Variants in SMAD4 observed in about 807,000 individuals in gnomAD.
SMAD4 encodes MAD homolog 4.
A neutral mutation model predicts 63.2 loss-of-function variants in SMAD4; 7 were observed. That is an observed-to-expected ratio of 0.11 (90% confidence interval 0.06 to 0.21). The LOEUF (loss-of-function observed/expected upper bound fraction) is 0.21. Ranked by LOEUF, SMAD4 falls within the 10% of genes least tolerant of loss-of-function variation. The pLI is 1.00. For synonymous variants in SMAD4, 215 were observed against 235.4 expected (o/e 0.91, Z 0.79); for missense variants, 312 against 693.8 (o/e 0.45, Z 6.18).
intron 1 of SMAD4, among the ~76,000 whole-genome samples, chr18:51,032,572 TTC>T (rs988581475): frequency 1.3e-5 from 2 of 152,196 alleles, no homozygotes; most frequent in Non-Finnish European, 2.9e-5. Flanking sequence ...TGTGTGTGAA[TTC>T]TTTTTCTGTA....
Position 51,059,739 on chromosome 18 carries a change from A to G in SMAD4, c.905-127A>G, listed in dbSNP as rs1909954280. 8 of 722,382 alleles carry G rather than the reference A, an allele frequency of 1.1e-5. No individual in the cohort carries two copies. In the South Asian group the frequency reaches 1.2e-4, roughly 11 times the overall value. The allele number at this position is 722,382 out of a possible 1,614,324, so 44.7% of individuals were successfully genotyped here. A position where few individuals can be genotyped will look rare whatever the true frequency, so the allele number is the denominator to read the frequency against. On this transcript the variant is annotated intron_variant, in intron 7 of 11. Coordinates refer to ENST00000342988, the MANE Select transcript of SMAD4 (RefSeq NM_005359.6). ...ATTGTAAACTTTTAAGTTCTTAGAC[A>G]TTGCATAAGCTTGTTTTAAACAATT...
At chr18:51,066,436 C>T (rs1040337570) in intron 9 of SMAD4, among the ~76,000 whole-genome samples, 3 of 151,664 alleles carry the variant, frequency 2.0e-5, no homozygotes, top group East Asian at 1.9e-4. Flanking sequence ...TGTATGATCT[C>T]GGCTTTTAAG....
chr18:51,058,292 G>A (rs1183932861), intron 6 of SMAD4, 48 bp downstream of exon 6: 2 of 1,610,774 alleles, frequency 1.2e-6, no homozygotes, highest in African/African-American at 2.7e-5. Context: ...GAAAAAAGTA[G>A]GCAGCCTTTA....
chr18:51,061,684 C>T (rs534092508), intron 8 of SMAD4, among the ~76,000 whole-genome samples: 2 of 152,312 alleles, frequency 1.3e-5, no homozygotes, highest in South Asian at 4.1e-4. Flanking sequence ...TTCATTCATA[C>T]TCACTCTCTT....
chr18:51,056,048 A>G (rs145503719), intron 5 of SMAD4, among the ~76,000 whole-genome samples: 5 of 152,336 alleles, frequency 3.3e-5, no homozygotes, highest in East Asian at 3.9e-4. Flanking sequence ...CAGTCTCACT[A>G]TAGGCAGCAT....
chr18:51,043,371 A>G (rs896035459), intron 1 of SMAD4, among the ~76,000 whole-genome samples: 1 of 152,334 alleles, frequency 6.6e-6, no homozygotes, highest in African/African-American at 2.4e-5. Context: ...TGAAGTTGTC[A>G]GGGCAGGTGT....
chr18:51,070,305 C>T (rs1910283488), intron 10 of SMAD4, among the ~76,000 whole-genome samples: 1 of 152,162 alleles, frequency 6.6e-6, no homozygotes, highest in South Asian at 2.1e-4. Context: ...TATTTTGGTA[C>T]AGATGGCCTT....
In SMAD4 at chr18:51,078,929, G is replaced by A. The variant is rs191822473; in HGVS notation, c.*462G>A. The A allele has an allele frequency of 3.0e-5, 7 of 236,478 alleles. No individual in the cohort carries two copies. The highest frequency in any genetic ancestry group is 2.7e-4 in the Admixed American group (5 of 18,322). The allele number at this position is 236,478 out of a possible 1,614,324, so 14.6% of individuals were successfully genotyped here. On this transcript the variant is annotated 3_prime_UTR_variant, in exon 12 of 12. Coordinates refer to ENST00000342988, the MANE Select transcript of SMAD4 (RefSeq NM_005359.6). ...TTGTTGAACATACTTCAAAAATAAT[G>A]TGCCATGTGGGTGAGTTAATTTTAC...
intron 1 of SMAD4, among the ~76,000 whole-genome samples, chr18:51,034,250 C>CTT (rs1430594791): frequency 2.4e-5 from 3 of 126,320 alleles, no homozygotes; most frequent in South Asian, 2.9e-4. Context: ...TCTTCTTTTT[C>CTT]TTTTTTTTTT....
intron 10 of SMAD4, among the ~76,000 whole-genome samples, chr18:51,074,177 G>A (rs1300876849): frequency 7.0e-6 from 1 of 143,320 alleles, no homozygotes; most frequent in Non-Finnish European, 1.5e-5. Context: ...AGTAGTTCAA[G>A]ATCAGCCTGG....
intron 4 of SMAD4, among the ~76,000 whole-genome samples, chr18:51,049,823 A>G (rs1199474641): frequency 1.3e-5 from 2 of 152,212 alleles, no homozygotes; most frequent in Non-Finnish European, 2.9e-5. Flanking sequence ...CAGTCTTGTT[A>G]CATTTTGAGT....
chr18:51,049,376 G>GT (rs1381500870), intron 4 of SMAD4, 52 bp downstream of exon 4: 4 of 1,378,672 alleles, frequency 2.9e-6, no homozygotes, highest in South Asian at 2.3e-5. Flanking sequence ...TATCCTCTCT[G>GT]TTTTTTTGTT....
At chr18:51,059,521 C>T (rs1599190901) in intron 7 of SMAD4, among the ~76,000 whole-genome samples, 1 of 152,162 alleles carries the variant, frequency 6.6e-6, no homozygotes, top group African/African-American at 2.4e-5. Flanking sequence ...ATAGACCTAA[C>T]AGTTTATTAT....
At chr18:51,056,670 T>C (rs1909855893) in intron 5 of SMAD4, among the ~76,000 whole-genome samples, 1 of 140,532 alleles carries the variant, frequency 7.1e-6, no homozygotes, top group African/African-American at 2.6e-5. Context: ...TCTCAAAAAG[T>C]ATATTGATGA....
intron 4 of SMAD4, chr18:51,052,507 A>G: frequency 5.4e-6 from 1 of 183,510 alleles, no homozygotes; most frequent in Non-Finnish European, 1.2e-5. Flanking sequence ...CTCAAGAAAT[A>G]TTTTTTCAGT....
chr18:51,082,814 C>G lies in SMAD4; in HGVS notation c.*4347C>G, dbSNP rs984644476. 4.4e-6 allele frequency: 1 copy of G among 229,094 alleles called. No homozygotes were observed. The highest frequency in any genetic ancestry group is 1.8e-4 in the South Asian group (1 of 5,492). 14.2% of individuals were successfully genotyped at this position (229,094 alleles called of 1,614,324 possible). A position where few individuals can be genotyped will look rare whatever the true frequency, so the allele number is the denominator to read the frequency against. ...TTCATATGTGAGTGTTAGTGTGCCTCCTTTTAGCATTTTCTTCTTCTCTTT... is the reference window on the plus strand; with the variant it reads ...TTCATATGTGAGTGTTAGTGTGCCTGCTTTTAGCATTTTCTTCTTCTCTTT... On this transcript the variant is annotated 3_prime_UTR_variant, in exon 12 of 12. Transcript: ENST00000342988.
chr18:51,051,210 A>C (rs1231842734), intron 4 of SMAD4: 1 of 334,580 alleles, frequency 3.0e-6, no homozygotes, highest in African/African-American at 2.2e-5. Context: ...CACCTCCCCT[A>C]TTCTAAAATT....
At chr18:51,060,764 G>C (rs560089745) in intron 8 of SMAD4, among the ~76,000 whole-genome samples, 46 of 152,260 alleles carry the variant, frequency 3.0e-4, no homozygotes, top group African/African-American at 1.1e-3. Context: ...TTCTAGAGTA[G>C]CTGGGACTAT....
At chr18:51,064,240 G>A (rs1041656910) in intron 8 of SMAD4, among the ~76,000 whole-genome samples, 4 of 152,004 alleles carry the variant, frequency 2.6e-5, no homozygotes, top group Non-Finnish European at 5.9e-5. Flanking sequence ...CTTTGCTTTC[G>A]CTTCCTCTTT....
Sources: gnomAD v4.1 joint callset for allele counts (sites outside exome capture counted in the v4.1 genomes callset) on GRCh38, gnomAD v4.1.1 for gene constraint, MANE v1.5 for transcripts, NCBI Gene and HGNC (gene_info 2026-07-23, HGNC 2026-07-21) for gene names.